The following SAXO2 variants were observed in gnomAD, a reference collection of about 807,000 sequenced individuals.
SAXO2 encodes the protein family with sequence similarity 154, member B.
In SAXO2, 17 loss-of-function variants were observed where a neutral mutation model predicts 18.7. The ratio of observed to expected loss-of-function variants is 0.91; its 90% CI spans 0.62 to 1.36. The LOEUF (loss-of-function observed/expected upper bound fraction) is 1.36. Ranked by LOEUF, SAXO2 falls within the 40% of genes most tolerant of loss-of-function variation. The probability of loss-of-function intolerance (pLI) is 0.00; values close to 1 mark genes in which losing one functional copy is unlikely to be tolerated. For synonymous variants in SAXO2, 163 were observed against 181.2 expected, an observed-to-expected ratio of 0.90 and a Z score of 0.81; for missense variants, 486 against 562.6, an observed-to-expected ratio of 0.86 and a Z score of 1.38.
chr15:82,266,616 C>G (rs1389417043), intron 2 of SAXO2, among the ~76,000 whole-genome samples: 1 of 152,178 alleles, frequency 6.6e-6, no homozygotes, highest in African/African-American at 2.4e-5. Context: ...ACTGTTTTCC[C>G]TACCTGTAGT....
intron 3 of SAXO2, among the ~76,000 whole-genome samples, chr15:82,277,625 A>C (rs1406078473): frequency 6.6e-6 from 1 of 152,194 alleles, no homozygotes; most frequent in Admixed American, 6.5e-5. Context: ...ATAATCTACA[A>C]AATCATAAAT....
chr15:82,283,189 G>T lies in SAXO2; in HGVS notation c.*127G>T. The T allele has an allele frequency of 1.7e-6, 1 of 581,320 alleles. No individual in the cohort carries two copies. Among genetic ancestry groups the T allele is most frequent in the Non-Finnish European group, 2.6e-6 (1 of 381,406 alleles). 36.0% of individuals were successfully genotyped at this position (581,320 alleles called of 1,614,324 possible). ...TTTTATATTTTTAAACAAGAAAATTGGAAAATATATTATAAGAAATCAGAA... is the reference window on the plus strand; with the variant it reads ...TTTTATATTTTTAAACAAGAAAATTTGAAAATATATTATAAGAAATCAGAA... On this transcript the variant is annotated 3_prime_UTR_variant, in exon 4 of 4. Coordinates refer to ENST00000682753, the MANE Select transcript of SAXO2 (RefSeq NM_001348699.2).
intron 3 of SAXO2, among the ~76,000 whole-genome samples, chr15:82,273,219 T>C (rs1036504003): frequency 6.6e-6 from 1 of 152,160 alleles, no homozygotes; most frequent in East Asian, 1.9e-4. Context: ...AAATAGGCTA[T>C]TTTAGGCCTA....
At chr15:82,267,899 T>G (rs1254726711) in intron 2 of SAXO2, among the ~76,000 whole-genome samples, 1 of 152,172 alleles carries the variant, frequency 6.6e-6, no homozygotes, top group East Asian at 1.9e-4. Flanking sequence ...GGAAACTGCA[T>G]TTTTAACCAG....
Position 82,282,947 on chromosome 15 carries a change from G to T in SAXO2, c.1262G>T (p.Arg421Ile). ...TMYSVEYTPK[R>I]QEICPASYPS... ...TACTCTGTAGAGTACACACCGAAAA[G>T]ACAGGAAATTTGCCCAGCCAGCTAT... The change falls in exon 4 of 4, where the codon AGA becomes ATA. Residue 421 changes from arginine to isoleucine, a missense_variant. Coordinates refer to ENST00000682753, the MANE Select transcript of SAXO2 (RefSeq NM_001348699.2). The T allele has an allele frequency of 6.2e-7, 1 of 1,614,060 alleles. No homozygotes were observed. Among genetic ancestry groups the T allele is most frequent in the South Asian group, 1.1e-5 (1 of 91,074 alleles).
chr15:82,275,281 C>CAAAAAAAAAAAA lies in SAXO2; in HGVS notation c.433+3493_433+3504dup, dbSNP rs756023248. 2.8e-4 allele frequency among the ~76,000 whole-genome samples: 13 copies of CAAAAAAAAAAAA among 45,898 alleles called. 1 individual carries two copies. Among genetic ancestry groups the CAAAAAAAAAAAA allele is most frequent in the African/African-American group, 4.5e-4 (5 of 11,052 alleles). 30.1% of individuals were successfully genotyped at this position (45,898 alleles called of 152,430 possible). On this transcript the variant is annotated intron_variant, in intron 3 of 3. Transcript: ENST00000682753. ...AATCAGTAGTAAGAAACCTATCAACCAAAAAAAAAAAAAAAAAAAAAAAAA... is the reference window on the plus strand; with the variant it reads ...AATCAGTAGTAAGAAACCTATCAACCAAAAAAAAAAAAAAAAAAAAAAAAAAAAAAAAAAAAA...
intron 2 of SAXO2, among the ~76,000 whole-genome samples, chr15:82,270,181 G>A (rs1361995645): frequency 1.3e-5 from 2 of 152,166 alleles, no homozygotes; most frequent in Admixed American, 1.3e-4. Flanking sequence ...GAGTAGAAGA[G>A]TTATCCTCAG....
rs544742716 is a variant in SAXO2, at chr15:82,279,976, G to A, written c.434-2143G>A. On this transcript the variant is annotated intron_variant, in intron 3 of 3. Transcript: ENST00000682753. ...AGCTGAGGAAACATCTAACAAGGGC[G>A]ATAGTGGAGCTGCCACATAACCAAA... 3.9e-5 allele frequency among the ~76,000 whole-genome samples: 6 copies of A among 152,306 alleles called. No homozygotes were observed. The Middle Eastern group carries it at 0.01, about 259-fold the overall frequency.
chr15:82,266,501 A>G (rs997692797), intron 2 of SAXO2, among the ~76,000 whole-genome samples: 1 of 152,078 alleles, frequency 6.6e-6, no homozygotes. Flanking sequence ...TCTCTAATTC[A>G]TTTTCACTGT....
At position 82,282,669 on chromosome 15, in the gene SAXO2, A is replaced by G; in HGVS notation, c.984A>G (p.Pro328=). The G allele has an allele frequency of 6.2e-7, 1 of 1,614,172 alleles. No homozygotes were observed. The highest frequency in any genetic ancestry group is 8.5e-7 in the Non-Finnish European group (1 of 1,180,010). The change falls in exon 4 of 4, where the codon CCA becomes CCG. Residue 328 remains proline (P), a synonymous_variant. Coordinates refer to ENST00000682753, the MANE Select transcript of SAXO2 (RefSeq NM_001348699.2). ...CCAACCATGTTGTTCCCATCAGGCC[A>G]GTTTCTCAAAAAAGAAGTAACAATT... ...YQANHVVPIR[P]VSQKRSNNFP...
chr15:82,271,477 A>G (rs2075270059), intron 2 of SAXO2, 126 bp from the exon 3 acceptor site: 3 of 786,660 alleles, frequency 3.8e-6, no homozygotes, highest in Non-Finnish European at 6.0e-6. Context: ...AACTATTACC[A>G]TTTTAATATC....
At chr15:82,268,863 G>A (rs887273309) in intron 2 of SAXO2, among the ~76,000 whole-genome samples, 15 of 152,294 alleles carry the variant, frequency 9.8e-5, no homozygotes, top group African/African-American at 3.6e-4. Flanking sequence ...CTTTGGGTTT[G>A]GAGGCATACT....
At chr15:82,276,421 A>G (rs1465095769) in intron 3 of SAXO2, among the ~76,000 whole-genome samples, 1 of 152,200 alleles carries the variant, frequency 6.6e-6, no homozygotes, top group Non-Finnish European at 1.5e-5. Flanking sequence ...CAAAAAGAAT[A>G]AAACCAGAGG....
intron 3 of SAXO2, among the ~76,000 whole-genome samples, chr15:82,275,114 C>CCA (rs2075303118): frequency 6.6e-6 from 1 of 151,452 alleles, no homozygotes; most frequent in African/African-American, 2.4e-5. Context: ...TACAGAAGAT[C>CCA]CTCAGAGAAT....
chr15:82,279,338 T>A (rs1219238107), intron 3 of SAXO2, among the ~76,000 whole-genome samples: 5 of 152,150 alleles, frequency 3.3e-5, no homozygotes, highest in Non-Finnish European at 7.3e-5. Flanking sequence ...CAACAGTATT[T>A]GAAAACCACT....
At chr15:82,263,092 T>C in intron 1 of SAXO2, 160 bp downstream of exon 1, 1 of 1,505,604 alleles carries the variant, frequency 6.6e-7, no homozygotes. Context: ...CCGCGAATAC[T>C]CGCTCCTCAC....
In SAXO2 at chr15:82,282,996, C is replaced by G; in HGVS notation, c.1311C>G (p.Phe437Leu). ...ASYPSPPGYI[F>L]DNTNSQGHKF... Reference sequence around the variant, plus strand: ...ATCCCTCTCCTCCAGGTTATATTTTCGACAATACAAATTCCCAAGGTCATA... The same window carrying G: ...ATCCCTCTCCTCCAGGTTATATTTTGGACAATACAAATTCCCAAGGTCATA... Residue 437 changes from phenylalanine (F) to leucine (L), a missense_variant, in exon 4 of 4, where the codon TTC becomes TTG. Phe to Leu is a conservative substitution (Grantham distance 22, BLOSUM62 0). Coordinates refer to ENST00000682753, the MANE Select transcript of SAXO2 (RefSeq NM_001348699.2). 6.2e-7 allele frequency: 1 copy of G among 1,613,902 alleles called. No individual in the cohort carries two copies. Among genetic ancestry groups the G allele is most frequent in the Non-Finnish European group, 8.5e-7 (1 of 1,179,966 alleles).
At chr15:82,274,038 T>C (rs1002487274) in intron 3 of SAXO2, among the ~76,000 whole-genome samples, 11 of 152,070 alleles carry the variant, frequency 7.2e-5, no homozygotes, top group African/African-American at 2.7e-4. Flanking sequence ...ATTTGGTCTC[T>C]TATACAATCA....
intron 3 of SAXO2, among the ~76,000 whole-genome samples, chr15:82,274,648 G>A (rs2075299071): frequency 6.7e-6 from 1 of 150,318 alleles, no homozygotes; most frequent in Non-Finnish European, 1.5e-5. Flanking sequence ...GTTGCAGTGA[G>A]CCAAGATTGC....
Sources: gnomAD v4.1 joint callset for allele counts (sites outside exome capture counted in the v4.1 genomes callset) on GRCh38, gnomAD v4.1.1 for gene constraint, MANE v1.5 for transcripts, NCBI Gene and HGNC (gene_info 2026-07-23, HGNC 2026-07-21) for gene names.